The following RNF14 variants were observed in gnomAD, a reference collection of about 807,000 sequenced individuals.
RNF14 encodes ring finger protein 14.
A neutral mutation model predicts 52.6 loss-of-function variants in RNF14; 26 were observed. That is an observed-to-expected ratio of 0.49 (90% CI 0.36 to 0.69). The LOEUF is 0.69. Among genes scored for constraint, RNF14 ranks in the 30% least tolerant of loss-of-function variants. The pLI is 0.00. For synonymous variants in RNF14, 194 were observed against 202.0 expected (o/e 0.96, Z 0.34); for missense variants, 404 against 560.4 (o/e 0.72, Z 2.82).
At chr5:141,973,005 T>A (rs566786236) in intron 2 of RNF14, among the ~76,000 whole-genome samples, 1 of 152,256 alleles carries the variant, frequency 6.6e-6, no homozygotes, top group East Asian at 1.9e-4. Flanking sequence ...TCAAAGAAAA[T>A]TTTCAAATTG....
At chr5:141,979,973 C>G in intron 5 of RNF14, 150 bp from the exon 6 acceptor site, 1 of 645,148 alleles carries the variant, frequency 1.6e-6, no homozygotes, top group South Asian at 1.8e-5. Flanking sequence ...ATTGTCATCT[C>G]AGTCAAAATG....
rs1460370686 is a variant in RNF14 at position 141,983,433 on chromosome 5, A to C, written c.1117A>C (p.Arg373=). 1 of 1,613,782 alleles carries C rather than the reference A, an allele frequency of 6.2e-7. No homozygotes were observed. The highest frequency in any genetic ancestry group is 2.2e-5 in the East Asian group (1 of 44,866). ...CCTGCAAGCGGATGAGGCTAATAAA[A>C]GACTTTTGGATCAAAGGTATGGTAA... ...EYLQADEANK[R]LLDQRYGKRV... is the part of the protein sequence containing the mutation. Residue 373 remains arginine (R), a synonymous_variant, in exon 7 of 9, where the codon AGA becomes CGA. Coordinates refer to ENST00000394520, the MANE Select transcript of RNF14 (RefSeq NM_004290.5).
At chr5:141,955,977 A>G (rs1168169775), upstream of RNF14, 1 of 1,614,162 alleles carries the variant, frequency 6.2e-7, no homozygotes, top group South Asian at 1.1e-5. This position sits in a 1 kb window ranked among gnomAD's most constrained non-coding sequence, Gnocchi z 5.5. Flanking sequence ...CCGAGTCTGC[A>G]TCTCTTGCCA....
At chr5:141,958,254 A>G, upstream of RNF14, 1 of 180,744 alleles carries the variant, frequency 5.5e-6, no homozygotes, top group Non-Finnish European at 1.2e-5. Context: ...ACCTACAGGA[A>G]AAGGGAGGGC....
At chr5:141,985,071 TCA>T in intron 8 of RNF14, 138 bp downstream of exon 8, 1 of 818,832 alleles carries the variant, frequency 1.2e-6, no homozygotes, top group Middle Eastern at 2.4e-4. Context: ...AAAGGAATTT[TCA>T]TATTATTTTC....
intron 2 of RNF14, 110 bp from the exon 3 acceptor site, chr5:141,973,473 G>A (rs1264869384): frequency 1.3e-6 from 1 of 772,750 alleles, no homozygotes; most frequent in Non-Finnish European, 2.0e-6. Flanking sequence ...CCTGACCTCA[G>A]GTGATCCGCC....
chr5:141,949,419 A>G, the RNF14 span: 6 of 1,608,496 alleles, frequency 3.7e-6, no homozygotes, highest in Admixed American at 6.7e-5. Context: ...AGGTAACTCC[A>G]GGGGGTCCCT....
chr5:141,955,682 C>T (rs1162605866), upstream of RNF14: 1 of 1,614,162 alleles, frequency 6.2e-7, no homozygotes, highest in Non-Finnish European at 8.5e-7. This position sits in a 1 kb window ranked among gnomAD's most constrained non-coding sequence, Gnocchi z 5.5. Flanking sequence ...CCCAACAGTA[C>T]AGCCAGGCAG....
chr5:141,959,957 A>G (rs252110), intron 1 of RNF14, among the ~76,000 whole-genome samples: 134,853 of 152,244 alleles, frequency 0.89, 59,979 homozygotes, highest in East Asian at 0.99. Flanking sequence ...TCAGCACATA[A>G]GGACTATGAT....
intron 8 of RNF14, among the ~76,000 whole-genome samples, chr5:141,986,650 G>A (rs919282101): frequency 1.3e-5 from 2 of 152,190 alleles, no homozygotes; most frequent in African/African-American, 4.8e-5. Context: ...TTGGAAAGGA[G>A]AGCTTTATTT....
At chr5:141,954,809 C>T (rs777800348), upstream of RNF14, among the ~76,000 whole-genome samples, 1 of 152,214 alleles carries the variant, frequency 6.6e-6, no homozygotes, top group Non-Finnish European at 1.5e-5. Context: ...TAAGTTCAGC[C>T]GATCACAAAG....
At position 141,985,005 on chromosome 5, in the gene RNF14, GT is replaced by G. The variant is rs1392542487; in HGVS notation, c.1367+76del. On this transcript the variant is annotated intron_variant, in intron 8 of 8. Transcript: ENST00000394520. ...TTGATTTGCAGACCACAAATCCAGT[GT>G]TTTATTTAAGTACTTGGACTTATTT... The G allele has an allele frequency of 3.7e-6, 5 of 1,356,442 alleles. No individual in the cohort carries two copies. The African/African-American group carries it at 7.2e-5, about 20-fold the overall frequency. The allele number at this position is 1,356,442 out of a possible 1,614,324, so 84.0% of individuals were successfully genotyped here. A position where few individuals can be genotyped will look rare whatever the true frequency, so the allele number is the denominator to read the frequency against.
upstream of RNF14, chr5:141,956,179 G>A: frequency 6.2e-7 from 1 of 1,614,170 alleles, no homozygotes; most frequent in Non-Finnish European, 8.5e-7. Context: ...ATTATCATTG[G>A]CATCCAAGAG....
In RNF14 at chr5:141,974,866, C is replaced by T; in HGVS notation, c.217C>T (p.Leu73Phe). The change falls in exon 4 of 9, where the codon CTT becomes TTT. Residue 73 changes from leucine (L) to phenylalanine (F), a missense_variant. Transcript: ENST00000394520. ...ATACACCATTTGCTTTCTGCCTCCACTTGTGCTGAACTTTGAACTGCCACC... is the reference window on the plus strand; with the variant it reads ...ATACACCATTTGCTTTCTGCCTCCATTTGTGCTGAACTTTGAACTGCCACC... ...FEYTICFLPP[L>F]VLNFELPPDY... The T allele has an allele frequency of 6.2e-7, 1 of 1,614,100 alleles. No individual in the cohort carries two copies. The highest frequency in any genetic ancestry group is 2.2e-5 in the East Asian group (1 of 44,878).
At chr5:141,975,014 A>G in intron 4 of RNF14, 59 bp downstream of exon 4, 1 of 1,532,900 alleles carries the variant, frequency 6.5e-7, no homozygotes, top group Non-Finnish European at 9.0e-7. Context: ...ATCACCTTTA[A>G]TTGAAGACTA....
chr5:141,978,843 C>T lies in RNF14; in HGVS notation c.834+13C>T, dbSNP rs778922327. On this transcript the variant is annotated intron_variant, in intron 5 of 8. Transcript: ENST00000394520. Reference sequence around the variant, plus strand: ...CACTCCTGGTCAGGTAACTGTTTACCCTGCTGATGGTTGCCTCCTAATTCT... The same window carrying T: ...CACTCCTGGTCAGGTAACTGTTTACTCTGCTGATGGTTGCCTCCTAATTCT... 3.7e-6 allele frequency: 6 copies of T among 1,607,952 alleles called. No individual in the cohort carries two copies. The Admixed American group carries it at 1.0e-4, about 27-fold the overall frequency.
intron 2 of RNF14, among the ~76,000 whole-genome samples, chr5:141,973,031 A>C (rs576021426): frequency 7.9e-5 from 12 of 152,294 alleles, no homozygotes; most frequent in African/African-American, 2.9e-4. Context: ...TTTTTCCTCT[A>C]ATTCAGTCAT....
At chr5:141,986,391 A>G (rs759801300) in intron 8 of RNF14, among the ~76,000 whole-genome samples, 17 of 152,250 alleles carry the variant, frequency 1.1e-4, no homozygotes, top group Non-Finnish European at 2.2e-4. Flanking sequence ...ATTGACAGCT[A>G]CAAAACATTC....
intron 6 of RNF14, among the ~76,000 whole-genome samples, chr5:141,981,255 T>C (rs982966643): frequency 6.6e-6 from 1 of 152,226 alleles, no homozygotes; most frequent in African/African-American, 2.4e-5. Context: ...GAAACTTTTA[T>C]AGTGATTTCA....
Sources: allele counts gnomAD v4.1 joint callset (sites outside exome capture counted in the v4.1 genomes callset), GRCh38; gene constraint gnomAD v4.1.1; non-coding constraint Gnocchi (gnomAD v3.1); transcripts MANE v1.5; gene names NCBI Gene and HGNC (gene_info 2026-07-23, HGNC 2026-07-21).